The following BIRC3 variants were observed in gnomAD, a reference collection of about 807,000 sequenced individuals.
The protein encoded by BIRC3 is baculoviral IAP repeat-containing protein 3.
In BIRC3, 26 loss-of-function variants were observed where a neutral mutation model predicts 59.0. That is an observed-to-expected ratio of 0.44 (90% CI 0.32 to 0.61). The LOEUF (loss-of-function observed/expected upper bound fraction) is 0.61. BIRC3 is among the 20% of genes least tolerant of loss of function. BIRC3 has a pLI of 0.04. For synonymous variants in BIRC3, 243 were observed against 249.2 expected (o/e 0.98, Z 0.24); for missense variants, 641 against 711.5 (o/e 0.90, Z 1.13).
intron 1 of BIRC3, among the ~76,000 whole-genome samples, chr11:102,319,642 C>T (rs1047831734): frequency 2.6e-5 from 4 of 152,120 alleles, no homozygotes; most frequent in Non-Finnish European, 5.9e-5. Context: ...AAGTAATTGA[C>T]TGAAAATGAG....
At position 102,339,054 on chromosome 11, in the gene BIRC3, AATT is replaced by A. The variant is rs763888714; in HGVS notation, c.*1953_*1955del. 1 of 211,278 alleles carries A rather than the reference AATT, an allele frequency of 4.7e-6. No homozygotes were observed. Among genetic ancestry groups the A allele is most frequent in the Non-Finnish European group, 9.6e-6 (1 of 104,258 alleles). The allele number at this position is 211,278 out of a possible 1,614,324, so 13.1% of individuals were successfully genotyped here. Reference sequence around the variant, plus strand: ...TGGGAGACTTATTTCCTTGAAATGCAATTGATTTTGCCTCTGCTAAGAGGCTCT... The same window carrying A: ...TGGGAGACTTATTTCCTTGAAATGCAGATTTTGCCTCTGCTAAGAGGCTCT... On this transcript the variant is annotated 3_prime_UTR_variant, in exon 9 of 9. Coordinates refer to ENST00000263464, the MANE Select transcript of BIRC3 (RefSeq NM_001165.5).
intron 7 of BIRC3, chr11:102,336,497 G>A (rs1240199565): frequency 1.8e-6 from 1 of 559,224 alleles, no homozygotes; most frequent in Non-Finnish European, 3.1e-6. Context: ...AAGAGGATGA[G>A]GTGGGAGGAT....
rs138773847 is a variant in BIRC3, at chr11:102,324,968, T to C, written c.459T>C (p.Asp153=). 968 of 1,614,178 alleles carry C rather than the reference T, an allele frequency of 6.0e-4. 4 individuals are homozygous for C. The highest frequency in any genetic ancestry group is 5.6e-3 in the Middle Eastern group (34 of 6,062). ...CTGTAAACTCCAGAGCAAATCAAGA[T>C]TTTTCTGCCTTGATGAGAAGTTCCT... ...SNPVNSRANQ[D]FSALMRSSYH... The change falls in exon 2 of 9, where the codon GAT becomes GAC. Residue 153 remains aspartate (D), a synonymous_variant. Coordinates refer to ENST00000263464, the MANE Select transcript of BIRC3 (RefSeq NM_001165.5).
In BIRC3 at chr11:102,331,171, A is replaced by T; in HGVS notation, c.1254A>T (p.Leu418Phe). 6.2e-7 allele frequency: 1 copy of T among 1,613,792 alleles called. No individual in the cohort carries two copies. The highest frequency in any genetic ancestry group is 8.5e-7 in the Non-Finnish European group (1 of 1,179,832). ...ENYRLVNDLVLDLLNAEDEIR... is the reference protein window; with the variant it reads ...ENYRLVNDLVFDLLNAEDEIR... Reference sequence around the variant, plus strand: ...ATAGACTAGTCAATGATCTTGTGTTAGACTTACTCAATGCAGAAGATGAAA... The same window carrying T: ...ATAGACTAGTCAATGATCTTGTGTTTGACTTACTCAATGCAGAAGATGAAA... The change falls in exon 6 of 9, where the codon TTA becomes TTT. Residue 418 changes from leucine (L) to phenylalanine (F), a missense_variant. Coordinates refer to ENST00000263464, the MANE Select transcript of BIRC3 (RefSeq NM_001165.5).
chr11:102,336,424 A>C (rs1049022554), intron 7 of BIRC3: 9 of 606,282 alleles, frequency 1.5e-5, no homozygotes, highest in African/African-American at 1.3e-4. Flanking sequence ...AGACCCCATC[A>C]CTACAAAAAA....
At position 102,338,011 on chromosome 11, in the gene BIRC3, A is replaced by G. The variant is rs920106139; in HGVS notation, c.*909A>G. The G allele has an allele frequency of 1.3e-5, 3 of 226,474 alleles. No homozygotes were observed. The Admixed American group carries it at 1.7e-4, about 13-fold the overall frequency. 14.0% of individuals were successfully genotyped at this position (226,474 alleles called of 1,614,324 possible). ...CATGCCAGCCCCACCTATTGGAAGA[A>G]GGTCTGAGTTTTATTCTTATCTCTT... On this transcript the variant is annotated 3_prime_UTR_variant, in exon 9 of 9. Coordinates refer to ENST00000263464, the MANE Select transcript of BIRC3 (RefSeq NM_001165.5).
chr11:102,320,482 C>G (rs1407783833), intron 1 of BIRC3: 1 of 152,142 alleles, frequency 6.6e-6, no homozygotes, highest in Non-Finnish European at 1.5e-5. Context: ...TGAGGCTGGT[C>G]TCAAACACCT....
At position 102,323,172 on chromosome 11, in the gene BIRC3, A is replaced by G. The variant is rs188457392; in HGVS notation, c.-1338A>G. 3 of 199,836 alleles carry G rather than the reference A, an allele frequency of 1.5e-5. No individual in the cohort carries two copies. The highest frequency in any genetic ancestry group is 7.8e-5 in the East Asian group (1 of 12,856). 12.4% of individuals were successfully genotyped at this position (199,836 alleles called of 1,614,324 possible). Reference sequence around the variant, plus strand: ...AGGAGGTGATAAGTTGAATAACTCTACAATGTTAGTTCTTTGAGGGGGACA... The same window carrying G: ...AGGAGGTGATAAGTTGAATAACTCTGCAATGTTAGTTCTTTGAGGGGGACA... On this transcript the variant is annotated 5_prime_UTR_variant, in exon 2 of 9. Coordinates refer to ENST00000263464, the MANE Select transcript of BIRC3 (RefSeq NM_001165.5).
In BIRC3 at chr11:102,325,506, A is replaced by C. The variant is rs1238566529; in HGVS notation, c.894A>C (p.Gly298=). ...DDVKCFCCDG[G]LRCWESGDDP... ...TCAAATGCTTTTGCTGTGATGGTGGACTCAGGTGTTGGGAATCTGGAGATG... is the reference window on the plus strand; with the variant it reads ...TCAAATGCTTTTGCTGTGATGGTGGCCTCAGGTGTTGGGAATCTGGAGATG... The change falls in exon 3 of 9, where the codon GGA becomes GGC. Residue 298 remains glycine (G), a synonymous_variant. Transcript: ENST00000263464. 1.2e-6 allele frequency: 2 copies of C among 1,612,824 alleles called. No homozygotes were observed. The highest frequency in any genetic ancestry group is 2.7e-5 in the African/African-American group (2 of 74,892).
intron 5 of BIRC3, among the ~76,000 whole-genome samples, chr11:102,329,253 G>A (rs562649877): frequency 1.3e-5 from 2 of 152,194 alleles, no homozygotes; most frequent in African/African-American, 4.8e-5. Flanking sequence ...ACTTGTTCTT[G>A]GGCCAGTGTG....
In BIRC3 at chr11:102,322,249, G is replaced by A. The variant is rs1951038239; in HGVS notation, c.-2261G>A. 4.8e-6 allele frequency: 1 copy of A among 207,052 alleles called. No individual in the cohort carries two copies. The highest frequency in any genetic ancestry group is 9.9e-6 in the Non-Finnish European group (1 of 101,500). The allele number at this position is 207,052 out of a possible 1,614,324, so 12.8% of individuals were successfully genotyped here. ...GAGTGACAGTTATTTGGAACAAAGA[G>A]CTAATAATCAATCCACTGCAAATTA... On this transcript the variant is annotated 5_prime_UTR_variant, in exon 2 of 9. Coordinates refer to ENST00000263464, the MANE Select transcript of BIRC3 (RefSeq NM_001165.5).
chr11:102,335,829 C>T (rs1380435948), intron 6 of BIRC3, 137 bp from the exon 7 acceptor site: 2 of 872,482 alleles, frequency 2.3e-6, no homozygotes, highest in Admixed American at 2.9e-5. Context: ...TGAGACACCC[C>T]TAAACCTAGC....
chr11:102,335,622 C>G (rs545349345), intron 6 of BIRC3, among the ~76,000 whole-genome samples: 5 of 152,214 alleles, frequency 3.3e-5, no homozygotes, highest in African/African-American at 1.2e-4. Context: ...AAATGTTAGT[C>G]CTTACTATAA....
At position 102,337,465 on chromosome 11, in the gene BIRC3, G is replaced by A. The variant is rs1951208688; in HGVS notation, c.*363G>A. Reference sequence around the variant, plus strand: ...TAATACCGGGAACATGAAGCCAGGTGTGGTGGTATGTGCCTGTAGTCCCAG... The same window carrying A: ...TAATACCGGGAACATGAAGCCAGGTATGGTGGTATGTGCCTGTAGTCCCAG... On this transcript the variant is annotated 3_prime_UTR_variant, in exon 9 of 9. Coordinates refer to ENST00000263464, the MANE Select transcript of BIRC3 (RefSeq NM_001165.5). The A allele has an allele frequency of 2.5e-6, 1 of 397,918 alleles. No individual in the cohort carries two copies. The highest frequency in any genetic ancestry group is 4.4e-6 in the Non-Finnish European group (1 of 225,872). 24.6% of individuals were successfully genotyped at this position (397,918 alleles called of 1,614,324 possible).
At position 102,322,665 on chromosome 11, in the gene BIRC3, T is replaced by C. The variant is rs2135782617; in HGVS notation, c.-1845T>C. 4.8e-6 allele frequency: 1 copy of C among 209,298 alleles called. No individual in the cohort carries two copies. The highest frequency in any genetic ancestry group is 1.9e-4 in the South Asian group (1 of 5,290). 13.0% of individuals were successfully genotyped at this position (209,298 alleles called of 1,614,324 possible). A position where few individuals can be genotyped will look rare whatever the true frequency, so the allele number is the denominator to read the frequency against. On this transcript the variant is annotated 5_prime_UTR_variant, in exon 2 of 9. Coordinates refer to ENST00000263464, the MANE Select transcript of BIRC3 (RefSeq NM_001165.5). ...TACTTACCTTTGAGGGAAATAATTG[T>C]TGGTAATGAGATGTGATGTTTCTCC...
At chr11:102,329,895 C>T (rs561386662) in intron 5 of BIRC3, among the ~76,000 whole-genome samples, 1 of 151,712 alleles carries the variant, frequency 6.6e-6, no homozygotes, top group Non-Finnish European at 1.5e-5. Flanking sequence ...ATGTAACAAA[C>T]CTGCACATTA....
chr11:102,326,782 A>T (rs771157141), intron 3 of BIRC3: 21 of 454,546 alleles, frequency 4.6e-5, no homozygotes, highest in South Asian at 3.1e-4. Context: ...ATGTCAGCTC[A>T]CTGCAACCTC....
At chr11:102,328,271 T>C (rs896647950) in intron 4 of BIRC3, 141 bp downstream of exon 4, 2 of 675,346 alleles carry the variant, frequency 3.0e-6, no homozygotes, top group Non-Finnish European at 5.0e-6. Context: ...TGACATGATT[T>C]TAGAAAGTAT....
chr11:102,320,869 A>T (rs1951024993), intron 1 of BIRC3, among the ~76,000 whole-genome samples: 1 of 152,242 alleles, frequency 6.6e-6, no homozygotes, highest in Admixed American at 6.5e-5. Context: ...CAGGGAATCA[A>T]AGAGAACATG....
Sources: gnomAD v4.1 joint callset for allele counts (sites outside exome capture counted in the v4.1 genomes callset) on GRCh38, gnomAD v4.1.1 for gene constraint, MANE v1.5 for transcripts, NCBI Gene and HGNC (gene_info 2026-07-23, HGNC 2026-07-21) for gene names.